CDH18: variants seen among roughly 807,000 people sequenced by gnomAD.
CDH18 encodes cadherin 18, also known as cadherin-18.
Under a neutral mutation model 67.9 loss-of-function variants are expected in CDH18, and 31 were observed. The observed-to-expected ratio is 0.46, with a 90% CI of 0.34 to 0.62. The LOEUF (loss-of-function observed/expected upper bound fraction) is 0.62. Among genes scored for constraint, CDH18 ranks in the 20% least tolerant of loss-of-function variants. The pLI is 0.01. For synonymous variants in CDH18, 362 were observed against 347.2 expected, an observed-to-expected ratio of 1.04 and a Z score of -0.48; for missense variants, 890 against 975.5, an observed-to-expected ratio of 0.91 and a Z score of 1.17.
In CDH18 at chr5:20,574,323, G is replaced by GGGA. The variant is rs1581221239; in HGVS notation, c.-580+1138_-580+1139insTCC. ...GACATGTGGGCTACTACTAAGGTTGGCAATCATGTTCTTTTTTGAAACGTT... is the reference window on the plus strand; with the variant it reads ...GACATGTGGGCTACTACTAAGGTTGGGGACAATCATGTTCTTTTTTGAAACGTT... On this transcript the variant is annotated intron_variant, in intron 1 of 14. Coordinates refer to the CDH18 transcript ENST00000507958. Among the ~76,000 whole-genome samples the GGGA allele has an allele frequency of 2.0e-5, 3 of 151,914 alleles. No individual in the cohort carries two copies. The East Asian group carries it at 5.8e-4, about 30-fold the overall frequency.
intron 2 of CDH18, among the ~76,000 whole-genome samples, chr5:20,242,622 A>ACATATATG: frequency 9.3e-6 from 1 of 106,952 alleles, no homozygotes; most frequent in South Asian, 2.8e-4. Context: ...ATATATATAT[A>ACATATATG]TATATATATA....
chr5:20,263,420 A>C (rs1245038291), intron 1 of CDH18, among the ~76,000 whole-genome samples: 4 of 152,172 alleles, frequency 2.6e-5, no homozygotes, highest in African/African-American at 9.7e-5. Context: ...GAAGTTCAAT[A>C]TTTCAAACAA....
chr5:20,186,651 AT>A (rs1738124542), intron 2 of CDH18, among the ~76,000 whole-genome samples: 1 of 151,942 alleles, frequency 6.6e-6, no homozygotes, highest in African/African-American at 2.4e-5. Flanking sequence ...AAAAAAGAAA[AT>A]AATATGTTGG....
At chr5:20,397,242 T>C (rs1055771761) in intron 1 of CDH18, among the ~76,000 whole-genome samples, 2 of 152,078 alleles carry the variant, frequency 1.3e-5, no homozygotes, top group Admixed American at 1.3e-4. Context: ...GCAATTCTCC[T>C]GCCTCAGCCT....
chr5:20,487,090 CA>C (rs1418599954), intron 1 of CDH18, among the ~76,000 whole-genome samples: 5 of 152,160 alleles, frequency 3.3e-5, no homozygotes, highest in Non-Finnish European at 5.9e-5. Context: ...GCACTGGCTG[CA>C]AAGCCTGCAG....
intron 1 of CDH18, among the ~76,000 whole-genome samples, chr5:20,463,239 G>C (rs1486577216): frequency 3.6e-5 from 5 of 140,570 alleles, no homozygotes; most frequent in Non-Finnish European, 1.7e-5. Context: ...GTGTGCTTTT[G>C]TGATGCAATT....
chr5:20,480,821 G>A (rs1014357747), intron 1 of CDH18, among the ~76,000 whole-genome samples: 5 of 151,848 alleles, frequency 3.3e-5, no homozygotes, highest in African/African-American at 9.7e-5. Flanking sequence ...CAAACCTCAT[G>A]GTAACCTCAA....
Position 20,346,699 on chromosome 5 carries a change from T to G in CDH18, c.-579-91194A>C, listed in dbSNP as rs116834687. Among the ~76,000 whole-genome samples the G allele has an allele frequency of 3.3e-3, 496 of 152,198 alleles. 3 individuals carry two copies. The highest frequency in any genetic ancestry group is 0.01 in the African/African-American group (418 of 41,542). ...GCCAGTATCTACTTCACAAAGTCCC[T>G]TCCCATTAAGAACGTACCAAACAGA... On this transcript the variant is annotated intron_variant, in intron 1 of 14. Coordinates refer to the CDH18 transcript ENST00000507958.
chr5:20,382,373 G>A (rs1743978804), intron 1 of CDH18, among the ~76,000 whole-genome samples: 1 of 152,152 alleles, frequency 6.6e-6, no homozygotes, highest in Non-Finnish European at 1.5e-5. Flanking sequence ...TATGTATAAT[G>A]AATGAATGGA....
intron 8 of CDH18, among the ~76,000 whole-genome samples, chr5:19,567,367 A>G (rs762506184): frequency 1.8e-4 from 28 of 152,228 alleles, no homozygotes; most frequent in Non-Finnish European, 3.2e-4. Flanking sequence ...AAAGTACAAT[A>G]GTAAAATACA....
intron 2 of CDH18, among the ~76,000 whole-genome samples, chr5:20,162,532 G>A (rs1399611079): frequency 6.8e-6 from 1 of 147,294 alleles, no homozygotes; most frequent in African/African-American, 2.5e-5. Context: ...TGACTCACAT[G>A]CCATTCACAT....
chr5:20,455,010 A>C (rs1385839300), intron 1 of CDH18, among the ~76,000 whole-genome samples: 1 of 151,800 alleles, frequency 6.6e-6, no homozygotes, highest in Non-Finnish European at 1.5e-5. Flanking sequence ...AAGAACATGG[A>C]GGGCTCATTG....
intron 2 of CDH18, among the ~76,000 whole-genome samples, chr5:20,104,168 T>C (rs1361346926): frequency 1.3e-5 from 2 of 151,352 alleles, no homozygotes; most frequent in African/African-American, 4.9e-5. Flanking sequence ...TATATATTGA[T>C]AGATATATTT....
At chr5:20,118,826 A>C (rs1307639086) in intron 2 of CDH18, among the ~76,000 whole-genome samples, 1 of 152,070 alleles carries the variant, frequency 6.6e-6, no homozygotes, top group African/African-American at 2.4e-5. Flanking sequence ...ATTTTTTTCC[A>C]TTGTGTTCCT....
intron 1 of CDH18, among the ~76,000 whole-genome samples, chr5:20,490,253 G>A (rs1753507669): frequency 6.6e-6 from 1 of 151,994 alleles, no homozygotes; most frequent in Non-Finnish European, 1.5e-5. Flanking sequence ...ATTATAGTGT[G>A]TCATTTTTAG....
At chr5:20,438,236 TTA>T (rs143210484) in intron 1 of CDH18, among the ~76,000 whole-genome samples, 30,670 of 146,872 alleles carry the variant, frequency 0.21, 3,539 homozygotes, top group East Asian at 0.3. Flanking sequence ...TGCCCCCAAA[TTA>T]TATATATATA....
At chr5:20,122,188 C>T (rs561824826) in intron 2 of CDH18, among the ~76,000 whole-genome samples, 3 of 152,284 alleles carry the variant, frequency 2.0e-5, no homozygotes, top group South Asian at 2.1e-4. Context: ...CTTCAGGGAA[C>T]GCTATCCACA....
chr5:20,532,666 T>C (rs1488456515), intron 1 of CDH18, among the ~76,000 whole-genome samples: 1 of 152,056 alleles, frequency 6.6e-6, no homozygotes, highest in Admixed American at 6.6e-5. Context: ...ACCTCTAATA[T>C]TTGGTTCCAT....
intron 3 of CDH18, among the ~76,000 whole-genome samples, chr5:19,827,282 G>A (rs1010613914): frequency 4.0e-5 from 6 of 149,936 alleles, no homozygotes; most frequent in Admixed American, 1.3e-4. Context: ...AGTAATAGTA[G>A]GAGACTTCAA....
Sources: allele counts gnomAD v4.1 joint callset (sites outside exome capture counted in the v4.1 genomes callset), GRCh38; gene constraint gnomAD v4.1.1; transcripts MANE v1.5; gene names NCBI Gene and HGNC (gene_info 2026-07-23, HGNC 2026-07-21).